Variants in MTREX observed in about 807,000 individuals in gnomAD.
The protein encoded by MTREX is exosome RNA helicase MTR4.
MTREX carries 76 observed loss-of-function variants against 135.4 expected under a neutral mutation model. That is an observed-to-expected ratio of 0.56 (90% CI 0.47 to 0.68). MTREX has a LOEUF of 0.68. MTREX is among the 30% of genes least tolerant of loss of function. MTREX has a pLI of 0.00. For missense variants in MTREX, 920 were observed against 1,262.1 expected, an observed-to-expected ratio of 0.73 and a Z score of 4.11; for synonymous variants, 404 against 401.6, an observed-to-expected ratio of 1.01 and a Z score of -0.07.
intron 1 of MTREX, among the ~76,000 whole-genome samples, chr5:55,313,040 AAAAT>A (rs1426704871): frequency 3.3e-5 from 5 of 152,178 alleles, no homozygotes; most frequent in African/African-American, 1.2e-4. Flanking sequence ...GTTTTTATAA[AAAAT>A]AGAATTCATA....
chr5:55,421,453 G>A (rs982319545), intron 25 of MTREX, among the ~76,000 whole-genome samples: 4 of 152,150 alleles, frequency 2.6e-5, no homozygotes, highest in African/African-American at 7.2e-5. Context: ...AAACTGTGTC[G>A]AAACTAAAGT....
chr5:55,343,377 C>T lies in MTREX; in HGVS notation c.828C>T (p.Asn276=), dbSNP rs147039795. The part of the protein sequence containing the change: ...WEETIILLPD[N]VHYVFLSATI... ...AAACTATTATTTTGCTTCCTGATAA[C>T]GTCCACTATGTCTTTCTTTCGGCTA... is the stretch of plus-strand genomic sequence containing the variant. Residue 276 remains asparagine (N), a synonymous_variant, in exon 8 of 27, where the codon AAC becomes AAT. Coordinates refer to ENST00000230640, the MANE Select transcript of MTREX (RefSeq NM_015360.5). 5.6e-6 allele frequency: 9 copies of T among 1,612,436 alleles called. No individual in the cohort carries two copies. The highest frequency in any genetic ancestry group is 4.4e-5 in the South Asian group (4 of 90,976).
chr5:55,407,776 T>C (rs959215767), intron 22 of MTREX, among the ~76,000 whole-genome samples: 7 of 152,130 alleles, frequency 4.6e-5, no homozygotes, highest in African/African-American at 1.4e-4. Flanking sequence ...CTTCTTGAGA[T>C]GGGATTTTGC....
In MTREX at chr5:55,397,423, C is replaced by A; in HGVS notation, c.2189C>A (p.Pro730Gln). Residue 730 changes from proline to glutamine, a missense_variant, in exon 20 of 27, where the codon CCA becomes CAA. Pro to Gln is a moderately conservative substitution (Grantham distance 76, BLOSUM62 -1). This residue lies in a region of MTREX where 467 missense variants were observed against 589.7 expected (regional missense o/e 0.79). Transcript: ENST00000230640. Reference protein sequence around the residue: ...PDEKGEMQVVPVLVHLLSAIS... With the variant: ...PDEKGEMQVVQVLVHLLSAIS... Reference sequence around the variant, plus strand: ...ATAACTTTTTGGTCATAGGTTGTCCCAGTTTTGGTGCATCTCCTGTCTGCT... The same window carrying A: ...ATAACTTTTTGGTCATAGGTTGTCCAAGTTTTGGTGCATCTCCTGTCTGCT... 1 of 1,605,470 alleles carries A rather than the reference C, an allele frequency of 6.2e-7. No individual in the cohort carries two copies. Among genetic ancestry groups the A allele is most frequent in the Non-Finnish European group, 8.5e-7 (1 of 1,174,456 alleles).
At chr5:55,369,114 A>AATTTTATTTTATTTTT (rs1750154084) in intron 16 of MTREX, among the ~76,000 whole-genome samples, 1 of 150,746 alleles carries the variant, frequency 6.6e-6, no homozygotes, top group Non-Finnish European at 1.5e-5. Context: ...ATTAATAATA[A>AATTTTATTTTATTTTT]ATTTTATTTT....
intron 1 of MTREX, among the ~76,000 whole-genome samples, chr5:55,308,877 T>C (rs1338947955): frequency 6.6e-6 from 1 of 152,188 alleles, no homozygotes; most frequent in Non-Finnish European, 1.5e-5. Flanking sequence ...CAAAATATAC[T>C]CTTGGCATTG....
intron 16 of MTREX, among the ~76,000 whole-genome samples, chr5:55,368,469 T>C (rs954038052): frequency 6.6e-6 from 1 of 152,092 alleles, no homozygotes; most frequent in African/African-American, 2.4e-5. Flanking sequence ...ACAAAAAGTT[T>C]TAATTTCAAG....
chr5:55,425,376 A>G lies in MTREX; in HGVS notation c.*604A>G. The G allele has an allele frequency of 1.3e-6, 2 of 1,513,684 alleles. No individual in the cohort carries two copies. Among genetic ancestry groups the G allele is most frequent in the Non-Finnish European group, 1.8e-6 (2 of 1,110,770 alleles). 93.8% of individuals were successfully genotyped at this position (1,513,684 alleles called of 1,614,324 possible). A position where few individuals can be genotyped will look rare whatever the true frequency, so the allele number is the denominator to read the frequency against. ...TTAATGGTATAATTTAGATCAAGTTAAAAACTACATACAAAGTTGTGATCA... is the reference window on the plus strand; with the variant it reads ...TTAATGGTATAATTTAGATCAAGTTGAAAACTACATACAAAGTTGTGATCA... On this transcript the variant is annotated 3_prime_UTR_variant, in exon 27 of 27. Coordinates refer to ENST00000230640, the MANE Select transcript of MTREX (RefSeq NM_015360.5).
chr5:55,393,462 G>C (rs2111576703), intron 19 of MTREX, among the ~76,000 whole-genome samples: 1 of 152,296 alleles, frequency 6.6e-6, no homozygotes, highest in African/African-American at 2.4e-5. Context: ...AAAACAACTT[G>C]CTTGTTGAAT....
At chr5:55,362,265 A>T (rs1028193790) in intron 15 of MTREX, among the ~76,000 whole-genome samples, 5 of 151,320 alleles carry the variant, frequency 3.3e-5, no homozygotes, top group Non-Finnish European at 7.4e-5. Context: ...CAATAGAGAA[A>T]CCTTTTCAAC....
chr5:55,324,139 G>T lies in MTREX; in HGVS notation c.280G>T (p.Asp94Tyr). ...TAAACAATTCTTTTTAAGTTTGGCA[G>T]ACCTGATGCCCAGAGTCAAGGTACA... ...ESITEDLSLA[D>Y]LMPRVKVQSV... Residue 94 changes from aspartate to tyrosine, a missense_variant, in exon 3 of 27, where the codon GAC becomes TAC. Around this residue, in one of 6 missense-constraint regions of MTREX, gnomAD observed 136 missense variants for 126.7 expected, o/e 1.07. Transcript: ENST00000230640. 6.2e-7 allele frequency: 1 copy of T among 1,610,442 alleles called. No individual in the cohort carries two copies. Among genetic ancestry groups the T allele is most frequent in the Non-Finnish European group, 8.5e-7 (1 of 1,177,818 alleles).
chr5:55,423,853 A>G (rs1361156374), intron 26 of MTREX: 2 of 152,222 alleles, frequency 1.3e-5, no homozygotes, highest in Admixed American at 1.3e-4. Flanking sequence ...GATTTCTGCA[A>G]ACAACTTAGT....
chr5:55,386,411 G>T (rs1561205010), intron 18 of MTREX, among the ~76,000 whole-genome samples: 1 of 152,136 alleles, frequency 6.6e-6, no homozygotes, highest in Non-Finnish European at 1.5e-5. Context: ...TTATCTGAAA[G>T]TGGACATTGA....
In MTREX at chr5:55,425,164, T is replaced by G. The variant is rs1304757347; in HGVS notation, c.*392T>G. On this transcript the variant is annotated 3_prime_UTR_variant, in exon 27 of 27. Transcript: ENST00000230640. Reference sequence around the variant, plus strand: ...TCTTGCCTTGTGGCAATCATTTTCCTTTAGAAAACAGGCCAGCTTCACCTG... The same window carrying G: ...TCTTGCCTTGTGGCAATCATTTTCCGTTAGAAAACAGGCCAGCTTCACCTG... 1 of 1,587,238 alleles carries G rather than the reference T, an allele frequency of 6.3e-7. No individual in the cohort carries two copies. Among genetic ancestry groups the G allele is most frequent in the Non-Finnish European group, 8.5e-7 (1 of 1,170,702 alleles).
At chr5:55,396,549 A>T (rs1004329438) in intron 19 of MTREX, among the ~76,000 whole-genome samples, 2 of 152,174 alleles carry the variant, frequency 1.3e-5, no homozygotes, top group Non-Finnish European at 1.5e-5. Context: ...AGAAAGAAAA[A>T]AACTGCTGTT....
intron 1 of MTREX, among the ~76,000 whole-genome samples, chr5:55,317,177 A>G (rs1385611590): frequency 6.6e-6 from 1 of 152,220 alleles, no homozygotes; most frequent in Non-Finnish European, 1.5e-5. Context: ...ATGCTCATGA[A>G]TAGGAAGAAT....
intron 25 of MTREX, among the ~76,000 whole-genome samples, chr5:55,422,104 G>T (rs1751064043): frequency 6.6e-6 from 1 of 152,172 alleles, no homozygotes; most frequent in African/African-American, 2.4e-5. Flanking sequence ...TATTCCTAAT[G>T]TATTTCATAT....
At chr5:55,388,170 TC>T in intron 19 of MTREX, 68 bp downstream of exon 19, 2 of 1,395,948 alleles carry the variant, frequency 1.4e-6, no homozygotes, top group Non-Finnish European at 9.8e-7. Flanking sequence ...ACCAAAGTTC[TC>T]CAATGTGATG....
chr5:55,308,255 C>A, intron 1 of MTREX, 108 bp downstream of exon 1: 3 of 1,300,260 alleles, frequency 2.3e-6, no homozygotes, highest in Non-Finnish European at 2.0e-6. Flanking sequence ...CATTGAGTGG[C>A]GTTGGAAGTG....
Sources: gnomAD v4.1 joint callset for allele counts (sites outside exome capture counted in the v4.1 genomes callset) on GRCh38, gnomAD v4.1.1 for gene constraint, gnomAD v4.1.1 regional missense constraint, MANE v1.5 for transcripts, NCBI Gene and HGNC (gene_info 2026-07-23, HGNC 2026-07-21) for gene names.